EPM2A: variants seen among roughly 807,000 people sequenced by gnomAD.
EPM2A encodes EPM2A glucan phosphatase, laforin, also known as laforin.
EPM2A carries 21 observed loss-of-function variants against 26.5 expected under a neutral mutation model. That is an observed-to-expected ratio of 0.79 (90% CI 0.56 to 1.14). The LOEUF (loss-of-function observed/expected upper bound fraction) is 1.14, where lower values mean the gene tolerates loss of function less well. Among genes scored for constraint, EPM2A ranks in the 50% most tolerant of loss-of-function variants. The pLI is 0.00. For missense variants in EPM2A, 458 were observed against 440.8 expected (o/e 1.04, Z -0.35); for synonymous variants, 217 against 177.6 (o/e 1.22, Z -1.76).
chr6:145,417,995 C>T (rs935499875), intron 4 of EPM2A, among the ~76,000 whole-genome samples: 3 of 152,156 alleles, frequency 2.0e-5, no homozygotes, highest in African/African-American at 7.2e-5. Flanking sequence ...CCCTCACACC[C>T]CTGATAATTC....
rs140488320 is a variant in EPM2A at position 145,416,842 on chromosome 6, G to A, written c.556-32745C>T. 4.6e-5 allele frequency among the ~76,000 whole-genome samples: 7 copies of A among 151,936 alleles called. No individual in the cohort carries two copies. The East Asian group carries it at 9.7e-4, about 21-fold the overall frequency. ...GAGGGTGATTTATGTTTAGGGGGTC[G>A]TAGGAAATGTACACTGATTTCTTAA... On this transcript the variant is annotated intron_variant, in intron 4 of 4. Transcript: ENST00000638717.
chr6:145,712,934 C>T (rs1775417906), intron 1 of EPM2A, among the ~76,000 whole-genome samples: 1 of 152,136 alleles, frequency 6.6e-6, no homozygotes, highest in Non-Finnish European at 1.5e-5. Context: ...AAAAACAAGA[C>T]TGCATTGACA....
chr6:145,686,072 T>A, intron 2 of EPM2A, 50 bp downstream of exon 2: 1 of 1,514,646 alleles, frequency 6.6e-7, no homozygotes, highest in Non-Finnish European at 9.2e-7. Context: ...ATTGTGCTAA[T>A]GCTATCTCTT....
chr6:145,587,219 G>A (rs1376790118), intron 2 of EPM2A, among the ~76,000 whole-genome samples: 1 of 152,126 alleles, frequency 6.6e-6, no homozygotes, highest in Non-Finnish European at 1.5e-5. Context: ...AATTGGAGAT[G>A]CCTCATTTGA....
intron 1 of EPM2A, among the ~76,000 whole-genome samples, chr6:145,715,469 G>A (rs1423360042): frequency 6.6e-6 from 1 of 152,156 alleles, no homozygotes; most frequent in Non-Finnish European, 1.5e-5. Context: ...CATTAACATT[G>A]TAATGAAACA....
chr6:145,542,727 T>A (rs865791283), intron 2 of EPM2A, among the ~76,000 whole-genome samples: 1 of 152,126 alleles, frequency 6.6e-6, no homozygotes, highest in African/African-American at 2.4e-5. Flanking sequence ...TTAGTTTGTT[T>A]GCTTCCTTCT....
intron 2 of EPM2A, among the ~76,000 whole-genome samples, chr6:145,608,288 A>G (rs372226862): frequency 6.6e-6 from 1 of 152,228 alleles, no homozygotes; most frequent in South Asian, 2.1e-4. Flanking sequence ...GTATAGGAAA[A>G]AAGTATAGTG....
At chr6:145,684,897 C>G (rs759901256) in intron 2 of EPM2A, 6 of 152,098 alleles carry the variant, frequency 3.9e-5, no homozygotes, top group Non-Finnish European at 8.8e-5. Context: ...CAACATCTAC[C>G]AGAAGTTTGA....
At chr6:145,505,835 G>T (rs1056618677) in intron 2 of EPM2A, among the ~76,000 whole-genome samples, 10 of 152,260 alleles carry the variant, frequency 6.6e-5, no homozygotes, top group Admixed American at 5.2e-4. Context: ...TGTGTAGTAA[G>T]AAATAAATGA....
intron 1 of EPM2A, among the ~76,000 whole-genome samples, chr6:145,706,128 A>G (rs1216296541): frequency 6.6e-6 from 1 of 152,218 alleles, no homozygotes; most frequent in Non-Finnish European, 1.5e-5. Flanking sequence ...TTAAGACTCA[A>G]AGTCCCAGTT....
downstream of EPM2A, among the ~76,000 whole-genome samples, chr6:145,500,001 A>G (rs1318544914): frequency 3.0e-5 from 4 of 131,990 alleles, no homozygotes; most frequent in Admixed American, 2.3e-4. Context: ...CGTAACATCA[A>G]AAGATGTGCT....
chr6:145,671,539 CTTTT>C (rs1779642354), intron 2 of EPM2A: 1 of 255,044 alleles, frequency 3.9e-6, no homozygotes, highest in East Asian at 1.8e-4. Context: ...CAGAACTATA[CTTTT>C]AATAGTCATC....
chr6:145,618,414 A>G (rs748691231), intron 2 of EPM2A, among the ~76,000 whole-genome samples: 1 of 152,216 alleles, frequency 6.6e-6, no homozygotes, highest in Non-Finnish European at 1.5e-5. Flanking sequence ...TATGTCTGAT[A>G]TGGTTTGGTT....
intron 4 of EPM2A, among the ~76,000 whole-genome samples, chr6:145,425,124 T>TCCTTCCTTCCTTCCTC (rs1778837403): frequency 7.0e-6 from 1 of 143,040 alleles, no homozygotes; most frequent in Admixed American, 6.9e-5. Context: ...CTCCCTTCCT[T>TCCTTCCTTCCTTCCTC]CCTTCCTTCC....
At chr6:145,696,822 T>TG (rs1781614413) in intron 1 of EPM2A, among the ~76,000 whole-genome samples, 1 of 130,448 alleles carries the variant, frequency 7.7e-6, no homozygotes, top group Admixed American at 7.7e-5. Flanking sequence ...TGTGTGTGTG[T>TG]GTGTGGTGTG....
chr6:145,538,201 A>G (rs566811078), intron 2 of EPM2A, among the ~76,000 whole-genome samples: 2 of 152,172 alleles, frequency 1.3e-5, no homozygotes, highest in African/African-American at 4.8e-5. Context: ...CAATGGTTGA[A>G]CTAATTTATG....
intron 2 of EPM2A, among the ~76,000 whole-genome samples, chr6:145,552,479 A>G (rs1364547394): frequency 6.6e-6 from 1 of 152,096 alleles, no homozygotes; most frequent in Admixed American, 6.6e-5. Context: ...AGATTTCCTT[A>G]AGCAAATCTG....
At chr6:145,681,833 G>A (rs916668447) in intron 2 of EPM2A, among the ~76,000 whole-genome samples, 2 of 152,136 alleles carry the variant, frequency 1.3e-5, no homozygotes, top group African/African-American at 4.8e-5. Flanking sequence ...GTACCAGAAT[G>A]TTCTCTTTTA....
chr6:145,384,111 GT>G (rs1171150355), intron 4 of EPM2A: 3 of 150,620 alleles, frequency 2.0e-5, no homozygotes, highest in Non-Finnish European at 4.4e-5. Context: ...AAAAAAAAAA[GT>G]GAGAGGGGAG....
Sources: gnomAD v4.1 joint callset for allele counts (sites outside exome capture counted in the v4.1 genomes callset) on GRCh38, gnomAD v4.1.1 for gene constraint, MANE v1.5 for transcripts, NCBI Gene and HGNC (gene_info 2026-07-23, HGNC 2026-07-21) for gene names.